Variants in PDE8B observed in about 807,000 individuals in gnomAD.
PDE8B encodes high affinity cAMP-specific and IBMX-insensitive 3',5'-cyclic phosphodiesterase 8B.
In PDE8B, 26 loss-of-function variants were observed where a neutral mutation model predicts 101.3. The ratio of observed to expected loss-of-function variants is 0.26; its 90% confidence interval spans 0.19 to 0.36. The LOEUF (loss-of-function observed/expected upper bound fraction) is 0.36. Among genes scored for constraint, PDE8B ranks in the 10% least tolerant of loss-of-function variants. The pLI, the probability that PDE8B is intolerant of heterozygous loss-of-function variation, is 1.00. For missense variants in PDE8B, 810 were observed against 1,163.1 expected, an observed-to-expected ratio of 0.70 and a Z score of 4.42; for synonymous variants, 424 against 429.3, an observed-to-expected ratio of 0.99 and a Z score of 0.15.
intron 10 of PDE8B, among the ~76,000 whole-genome samples, chr5:77,380,973 A>G (rs987395814): frequency 2.0e-5 from 3 of 152,178 alleles, no homozygotes; most frequent in African/African-American, 7.2e-5. Flanking sequence ...CTGCAAGTAC[A>G]AAGACTCGGA....
At chr5:77,187,821 A>T in the PDE8B span, among the ~76,000 whole-genome samples, 1 of 152,120 alleles carries the variant, frequency 6.6e-6, no homozygotes, top group Non-Finnish European at 1.5e-5. Flanking sequence ...TAAACAAATG[A>T]AAAAGCAACC....
the PDE8B span, among the ~76,000 whole-genome samples, chr5:77,115,618 C>T: frequency 6.6e-6 from 1 of 152,086 alleles, no homozygotes; most frequent in African/African-American, 2.4e-5. Context: ...AATAAATACA[C>T]AAATAGGTAA....
At chr5:77,187,500 G>A in the PDE8B span, among the ~76,000 whole-genome samples, 34 of 152,180 alleles carry the variant, frequency 2.2e-4, no homozygotes, top group Middle Eastern at 3.4e-3. Context: ...AGCAGTGAGC[G>A]GCCAGTGGGA....
chr5:77,396,713 C>G (rs1791137427), intron 10 of PDE8B, among the ~76,000 whole-genome samples: 1 of 152,126 alleles, frequency 6.6e-6, no homozygotes, highest in Non-Finnish European at 1.5e-5. Flanking sequence ...TATGTGGTTA[C>G]TCTTCCTTTA....
At chr5:77,169,656 T>C in the PDE8B span, among the ~76,000 whole-genome samples, 1 of 152,074 alleles carries the variant, frequency 6.6e-6, no homozygotes, top group South Asian at 2.1e-4. Flanking sequence ...AGGCAGTGGA[T>C]TGGCAGCTGT....
intron 2 of PDE8B, among the ~76,000 whole-genome samples, chr5:77,315,117 G>T (rs1054994016): frequency 5.3e-5 from 8 of 151,926 alleles, no homozygotes; most frequent in South Asian, 2.1e-4. Flanking sequence ...TCAATCCGTG[G>T]CTCTTTTATT....
At chr5:77,291,035 G>A in intron 1 of PDE8B, 1 of 1,611,974 alleles carries the variant, frequency 6.2e-7, no homozygotes. Context: ...AGATGGCCCT[G>A]ATGGTGCAGG....
At position 77,426,532 on chromosome 5, in the gene PDE8B, T is replaced by G; in HGVS notation, c.2636T>G (p.Leu879Trp). 6.2e-7 allele frequency: 1 copy of G among 1,610,578 alleles called. No homozygotes were observed. Among genetic ancestry groups the G allele is most frequent in the Non-Finnish European group, 8.5e-7 (1 of 1,176,810 alleles). Reference protein sequence around the residue: ...KTLDDLKCKSLRLPSDS With the variant: ...KTLDDLKCKSWRLPSDS Reference sequence around the variant, plus strand: ...CTAGATGACCTAAAGTGCAAAAGTTTGAGGCTTCCATCTGACAGCTAAAGC... The same window carrying G: ...CTAGATGACCTAAAGTGCAAAAGTTGGAGGCTTCCATCTGACAGCTAAAGC... The change falls in exon 22 of 22, where the codon TTG becomes TGG. Residue 879 changes from leucine (L) to tryptophan (W), a missense_variant. Coordinates refer to ENST00000264917, the MANE Select transcript of PDE8B (RefSeq NM_003719.5).
intron 2 of PDE8B, among the ~76,000 whole-genome samples, chr5:77,320,297 T>C (rs1255312708): frequency 6.6e-6 from 1 of 152,230 alleles, no homozygotes; most frequent in Non-Finnish European, 1.5e-5. Context: ...GATTCTACTA[T>C]GCAAAGTGAG....
chr5:77,128,393 T>C, the PDE8B span, among the ~76,000 whole-genome samples: 1 of 152,310 alleles, frequency 6.6e-6, no homozygotes, highest in East Asian at 1.9e-4. Flanking sequence ...GATGGGGACA[T>C]GGGGATTCTT....
chr5:77,200,306 G>A, the PDE8B span, among the ~76,000 whole-genome samples: 1 of 152,154 alleles, frequency 6.6e-6, no homozygotes, highest in African/African-American at 2.4e-5. Flanking sequence ...TTCAGAAATG[G>A]CAACCTTTTG....
At chr5:77,188,244 C>G in the PDE8B span, among the ~76,000 whole-genome samples, 1 of 152,082 alleles carries the variant, frequency 6.6e-6, no homozygotes, top group Admixed American at 6.5e-5. Context: ...TCCTGGCTTT[C>G]GATGGAATGA....
intron 1 of PDE8B, among the ~76,000 whole-genome samples, chr5:77,238,443 T>C (rs148075666): frequency 1.4e-4 from 21 of 152,370 alleles, no homozygotes; most frequent in African/African-American, 4.6e-4. Flanking sequence ...TATTCTTTGC[T>C]GAGACTTTAA....
At chr5:77,246,354 C>T (rs997098678) in intron 1 of PDE8B, among the ~76,000 whole-genome samples, 2 of 152,154 alleles carry the variant, frequency 1.3e-5, no homozygotes, top group Admixed American at 6.5e-5. Flanking sequence ...GGGACTCCTC[C>T]GCCATCTGAG....
chr5:77,325,444 C>A, intron 2 of PDE8B, 95 bp from the exon 3 acceptor site: 1 of 1,107,898 alleles, frequency 9.0e-7, no homozygotes, highest in Non-Finnish European at 1.4e-6. Flanking sequence ...GCTGGGATTA[C>A]AGGCATGAGC....
At chr5:77,416,047 T>A (rs1413293850) in intron 17 of PDE8B, among the ~76,000 whole-genome samples, 2 of 152,156 alleles carry the variant, frequency 1.3e-5, no homozygotes, top group Admixed American at 1.3e-4. Flanking sequence ...CTCCTCGACG[T>A]AGGGCCTTGC....
chr5:77,106,631 A>T, the PDE8B span, among the ~76,000 whole-genome samples: 40 of 152,134 alleles, frequency 2.6e-4, no homozygotes, highest in African/African-American at 7.5e-4. Context: ...CAAGTTTTTT[A>T]AAAAAATCTG....
the PDE8B span, among the ~76,000 whole-genome samples, chr5:77,156,480 G>A: frequency 4.6e-5 from 7 of 152,256 alleles, no homozygotes; most frequent in African/African-American, 1.2e-4. Flanking sequence ...CCTTTCAATC[G>A]ATACCCAAGG....
intron 10 of PDE8B, among the ~76,000 whole-genome samples, chr5:77,382,013 T>C (rs946995948): frequency 6.6e-6 from 1 of 152,174 alleles, no homozygotes; most frequent in Non-Finnish European, 1.5e-5. Context: ...TGATTTCGTC[T>C]TGTTTATTTT....
Sources: allele counts gnomAD v4.1 joint callset (sites outside exome capture counted in the v4.1 genomes callset), GRCh38; gene constraint gnomAD v4.1.1; transcripts MANE v1.5; gene names NCBI Gene and HGNC (gene_info 2026-07-23, HGNC 2026-07-21).